The following GRAMD1B variants were observed in gnomAD, a reference collection of about 807,000 sequenced individuals.
GRAMD1B encodes the protein GRAM domain containing 1B, also known as protein Aster-B.
In GRAMD1B, 37 loss-of-function variants were observed where a neutral mutation model predicts 99.7. The ratio of observed to expected loss-of-function variants is 0.37; its 90% CI spans 0.29 to 0.49. The LOEUF is 0.49. Ranked by LOEUF, GRAMD1B falls within the 20% of genes least tolerant of loss-of-function variation. GRAMD1B has a pLI of 0.98. For missense variants in GRAMD1B, 888 were observed against 1,009.2 expected, an observed-to-expected ratio of 0.88 and a Z score of 1.63; for synonymous variants, 427 against 387.6, an observed-to-expected ratio of 1.10 and a Z score of -1.19.
At chr11:123,552,664 A>G (rs748714867) in intron 2 of GRAMD1B, among the ~76,000 whole-genome samples, 2 of 152,356 alleles carry the variant, frequency 1.3e-5, no homozygotes, top group Middle Eastern at 3.4e-3. Context: ...GAATTTGACC[A>G]TTCTAAATTT....
chr11:123,603,125 G>C (rs1471121776), intron 8 of GRAMD1B, among the ~76,000 whole-genome samples: 1 of 152,198 alleles, frequency 6.6e-6, no homozygotes, highest in Non-Finnish European at 1.5e-5. Context: ...TTCCATAAGA[G>C]CAAAAGGTGA....
intron 2 of GRAMD1B, chr11:123,560,561 TCCCCGC>T (rs1352101952): frequency 1.3e-5 from 10 of 794,286 alleles, no homozygotes; most frequent in Non-Finnish European, 1.8e-5. Context: ...GGGCCCCCGC[TCCCCGC>T]CCCCGCCCCC....
chr11:123,443,480 A>G (rs576825750), intron 1 of GRAMD1B, among the ~76,000 whole-genome samples: 4 of 152,158 alleles, frequency 2.6e-5, no homozygotes, highest in Non-Finnish European at 5.9e-5. Flanking sequence ...CATGTGAGGT[A>G]TATATTGGTT....
chr11:123,520,476 C>G (rs1942088316), intron 2 of GRAMD1B, among the ~76,000 whole-genome samples: 1 of 151,956 alleles, frequency 6.6e-6, no homozygotes, highest in African/African-American at 2.4e-5. Context: ...TTAGCTAATA[C>G]AAAATAATAT....
At chr11:123,588,845 T>A (rs985608386) in intron 4 of GRAMD1B, among the ~76,000 whole-genome samples, 3 of 152,174 alleles carry the variant, frequency 2.0e-5, no homozygotes, top group Non-Finnish European at 2.9e-5. Context: ...GTATCCCTTA[T>A]CCAAAATGTT....
At chr11:123,467,674 T>C (rs1950758929) in intron 1 of GRAMD1B, among the ~76,000 whole-genome samples, 1 of 152,090 alleles carries the variant, frequency 6.6e-6, no homozygotes, top group African/African-American at 2.4e-5. Context: ...CTGGAACCAA[T>C]GCCTAAAACA....
intron 1 of GRAMD1B, among the ~76,000 whole-genome samples, chr11:123,368,918 C>T (rs1000991909): frequency 1.3e-5 from 2 of 151,852 alleles, no homozygotes; most frequent in South Asian, 4.2e-4. Context: ...AGTTTGAGCT[C>T]CCTACACTTT....
intron 1 of GRAMD1B, among the ~76,000 whole-genome samples, chr11:123,461,805 C>A (rs548891492): frequency 6.6e-6 from 1 of 151,930 alleles, no homozygotes; most frequent in African/African-American, 2.4e-5. Context: ...GGGGTTTCAC[C>A]ATGTTGGCCA....
chr11:123,512,433 A>G (rs1219972705), intron 2 of GRAMD1B, among the ~76,000 whole-genome samples: 1 of 152,192 alleles, frequency 6.6e-6, no homozygotes, highest in Non-Finnish European at 1.5e-5. Context: ...CTATTTGCAT[A>G]TGGAGGCAGA....
chr11:123,619,028 C>A, intron 18 of GRAMD1B, 79 bp from the exon 19 acceptor site: 1 of 795,946 alleles, frequency 1.3e-6, no homozygotes. Flanking sequence ...GACTCTCTGT[C>A]CTTTAGGGGT....
chr11:123,485,715 CTT>C (rs373956363), intron 2 of GRAMD1B, among the ~76,000 whole-genome samples: 4,141 of 132,358 alleles, frequency 0.031, 70 homozygotes, highest in African/African-American at 0.053. Flanking sequence ...TTAATTCATT[CTT>C]TTTTTTTTTT....
At chr11:123,382,374 GT>G (rs1011453251) in intron 1 of GRAMD1B, among the ~76,000 whole-genome samples, 18 of 151,734 alleles carry the variant, frequency 1.2e-4, no homozygotes, top group Middle Eastern at 6.8e-3. Context: ...TCCAGAACTT[GT>G]TTTTTTTAGG....
chr11:123,566,496 G>T (rs1419337833), intron 2 of GRAMD1B, among the ~76,000 whole-genome samples: 1 of 152,162 alleles, frequency 6.6e-6, no homozygotes. Context: ...GCCGAGCGCG[G>T]TGGCTCACGC....
chr11:123,614,268 A>G (rs980171081), intron 16 of GRAMD1B, among the ~76,000 whole-genome samples: 8 of 152,106 alleles, frequency 5.3e-5, no homozygotes, highest in Non-Finnish European at 1.2e-4. Flanking sequence ...AGCCTTCTGC[A>G]TGCCGCCTAG....
chr11:123,623,963 TTCAGGGCCTTTTCAGCATTGGCCCAC>T lies in GRAMD1B; in HGVS notation c.*1370_*1395del, dbSNP rs1305178815. 6.6e-6 allele frequency: 1 copy of T among 152,158 alleles called. No individual in the cohort carries two copies. The highest frequency in any genetic ancestry group is 1.5e-5 in the Non-Finnish European group (1 of 68,044). 9.4% of individuals were successfully genotyped at this position (152,158 alleles called of 1,614,324 possible). ...GGCACTAGCTTCAAAGAGTGAGACA[TTCAGGGCCTTTTCAGCATTGGCCCAC>T]TAGCACCATGCATTTATCTGAATTC... On this transcript the variant is annotated 3_prime_UTR_variant, in exon 20 of 20. Transcript: ENST00000635736.
chr11:123,545,495 G>A (rs934850776), intron 2 of GRAMD1B, among the ~76,000 whole-genome samples: 4 of 152,146 alleles, frequency 2.6e-5, no homozygotes, highest in African/African-American at 4.8e-5. Flanking sequence ...GTAGCTTCTC[G>A]TTAGTGGTCA....
chr11:123,436,883 C>T (rs117102484), intron 1 of GRAMD1B, among the ~76,000 whole-genome samples: 2 of 152,268 alleles, frequency 1.3e-5, no homozygotes, highest in East Asian at 3.9e-4. Flanking sequence ...AGGTGTGTCT[C>T]CTAATGCTAT....
In GRAMD1B at chr11:123,624,093, C is replaced by T. The variant is rs545431033; in HGVS notation, c.*1498C>T. On this transcript the variant is annotated 3_prime_UTR_variant, in exon 20 of 20. Transcript: ENST00000635736. ...CATGTAATGACCAAAAGAGTCCCAC[C>T]AGCTCCAGGCAGAGCTTGTGGAGAT... The T allele has an allele frequency of 1.9e-3, 295 of 152,298 alleles. No homozygotes were observed. The highest frequency in any genetic ancestry group is 6.8e-3 in the African/African-American group (283 of 41,564). 9.4% of individuals were successfully genotyped at this position (152,298 alleles called of 1,614,324 possible). A position where few individuals can be genotyped will look rare whatever the true frequency, so the allele number is the denominator to read the frequency against.
intron 3 of GRAMD1B, chr11:123,578,407 T>C (rs921686026): frequency 1.3e-6 from 2 of 1,530,302 alleles, no homozygotes; most frequent in Non-Finnish European, 1.8e-6. Flanking sequence ...TGCATGGTCT[T>C]AGTCTCACAA....
Sources: gnomAD v4.1 joint callset for allele counts (sites outside exome capture counted in the v4.1 genomes callset) on GRCh38, gnomAD v4.1.1 for gene constraint, MANE v1.5 for transcripts, NCBI Gene and HGNC (gene_info 2026-07-23, HGNC 2026-07-21) for gene names.